Variants in TTC39A observed in about 807,000 individuals in gnomAD.
TTC39A encodes the protein tetratricopeptide repeat protein 39A.
A neutral mutation model predicts 82.3 loss-of-function variants in TTC39A; 46 were observed. The observed-to-expected ratio is 0.56, with a 90% CI of 0.44 to 0.71. The LOEUF is 0.71. Ranked by LOEUF, TTC39A falls within the 30% of genes least tolerant of loss-of-function variation. The pLI is 0.00. For synonymous variants in TTC39A, 254 were observed against 275.2 expected (o/e 0.92, Z 0.76); for missense variants, 543 against 712.9 (o/e 0.76, Z 2.71).
chr1:51,323,144 A>ATGGG (rs1645592406), intron 1 of TTC39A, among the ~76,000 whole-genome samples: 2 of 150,574 alleles, frequency 1.3e-5, no homozygotes, highest in East Asian at 2.0e-4. Flanking sequence ...CCACTCCTCT[A>ATGGG]CCCAATAAGC....
rs887599422 is a variant in TTC39A, at chr1:51,330,509, C to T, written c.-32G>A. On this transcript the variant is annotated 5_prime_UTR_variant, in exon 1 of 18. Transcript: ENST00000680483. This position sits in a 1 kb window ranked among gnomAD's most constrained non-coding sequence, Gnocchi z 4.5. ...GGGGCGCGGGCGGCGCTGCCCCAGC[C>T]GGACGCCAATCGCGGCCCAGGTGCT... 9.0e-5 allele frequency: 89 copies of T among 983,598 alleles called. 1 individual carries two copies. Among genetic ancestry groups the T allele is most frequent in the Non-Finnish European group, 1.0e-4 (87 of 830,154 alleles). 60.9% of individuals were successfully genotyped at this position (983,598 alleles called of 1,614,324 possible).
Position 51,288,381 on chromosome 1 carries a change from G to T in TTC39A, c.1611-101C>A. On this transcript the variant is annotated intron_variant, in intron 17 of 17. Transcript: ENST00000680483. The surrounding 1 kb of genome is among the most constrained non-coding windows in gnomAD (Gnocchi z 4.8). ...GAGCCCCGCGAGCCAAGGAAGGATT[G>T]TAGAGAAATTAATGTGTCCAGAGAG... The T allele has an allele frequency of 6.4e-7, 1 of 1,562,990 alleles. No homozygotes were observed. Among genetic ancestry groups the T allele is most frequent in the Non-Finnish European group, 8.7e-7 (1 of 1,151,456 alleles).
In TTC39A at chr1:51,330,536, C is replaced by A; in HGVS notation, c.-59G>T. The A allele has an allele frequency of 1.0e-6, 1 of 983,702 alleles. No homozygotes were observed. The allele number at this position is 983,702 out of a possible 1,614,324, so 60.9% of individuals were successfully genotyped here. On this transcript the variant is annotated 5_prime_UTR_variant, in exon 1 of 18. Transcript: ENST00000680483. The surrounding 1 kb of genome is among the most constrained non-coding windows in gnomAD (Gnocchi z 4.5). ...GACGCCAATCGCGGCCCAGGTGCTG[C>A]CGCCGCAACCCCGAGCCGGGCGCTG... is the stretch of plus-strand genomic sequence containing the variant.
intron 2 of TTC39A, among the ~76,000 whole-genome samples, chr1:51,319,216 A>G (rs1414302118): frequency 6.6e-6 from 1 of 152,202 alleles, no homozygotes; most frequent in Non-Finnish European, 1.5e-5. Flanking sequence ...AATAAAGAAT[A>G]CCAGGAAATT....
chr1:51,320,887 T>G lies in TTC39A; in HGVS notation c.146+834A>C, dbSNP rs183475122. On this transcript the variant is annotated intron_variant, in intron 2 of 17. Transcript: ENST00000680483. The stretch of plus-strand genomic sequence containing the variant: ...TGTTTTCTGGTTTTTTTTTTTTTTT[T>G]TTTGAGACAGAGTCTTGCTCTGTCA... Among the ~76,000 whole-genome samples the G allele has an allele frequency of 4.7e-3, 706 of 150,762 alleles. 4 individuals are homozygous for G. Among genetic ancestry groups the G allele is most frequent in the South Asian group, 0.014 (67 of 4,748 alleles).
intron 1 of TTC39A, among the ~76,000 whole-genome samples, chr1:51,327,003 C>A (rs1645735960): frequency 1.3e-5 from 2 of 152,212 alleles, no homozygotes; most frequent in African/African-American, 2.4e-5. Flanking sequence ...ACACTTGAGG[C>A]CCAAACGAGA....
intron 1 of TTC39A, among the ~76,000 whole-genome samples, chr1:51,341,674 G>A (rs1025479051): frequency 6.6e-6 from 1 of 152,040 alleles, no homozygotes; most frequent in African/African-American, 2.4e-5. Context: ...GCAACAGGGG[G>A]CAGAGTAAAG....
chr1:51,309,236 C>T (rs1644988526), intron 6 of TTC39A, 25 bp downstream of exon 6: 4 of 1,589,320 alleles, frequency 2.5e-6, no homozygotes, highest in Admixed American at 3.4e-5. Context: ...GGTCTCCCCA[C>T]AAGCGGATGG....
chr1:51,343,056 G>A (rs557243438), intron 1 of TTC39A: 68 of 456,270 alleles, frequency 1.5e-4, no homozygotes, highest in South Asian at 1.0e-3. Flanking sequence ...TGCACAACTG[G>A]ATTCTCCCAG....
chr1:51,341,721 A>C (rs1166165843), intron 1 of TTC39A, among the ~76,000 whole-genome samples: 1 of 152,170 alleles, frequency 6.6e-6, no homozygotes. Context: ...ACACACACAA[A>C]AAAAACCTTG....
At chr1:51,328,740 G>A (rs1443692130) in intron 1 of TTC39A, among the ~76,000 whole-genome samples, 2 of 152,182 alleles carry the variant, frequency 1.3e-5, no homozygotes, top group East Asian at 3.8e-4. Flanking sequence ...GCAAGGGTTT[G>A]TGAGTTCATT....
chr1:51,309,216 T>A (rs748865425), intron 6 of TTC39A, 45 bp downstream of exon 6: 1 of 1,563,966 alleles, frequency 6.4e-7, no homozygotes, highest in Non-Finnish European at 8.7e-7. Context: ...TAGCAGATGC[T>A]GTGGCCCAGG....
chr1:51,320,789 T>G (rs1645483444), intron 2 of TTC39A, among the ~76,000 whole-genome samples: 1 of 151,030 alleles, frequency 6.6e-6, no homozygotes, highest in South Asian at 2.1e-4. Context: ...TATTGTGATA[T>G]AATGACGAGA....
intron 12 of TTC39A, 24 bp downstream of exon 12, chr1:51,301,548 C>G (rs1293394566): frequency 1.3e-6 from 2 of 1,579,474 alleles, no homozygotes; most frequent in Middle Eastern, 1.7e-4. Context: ...CACCCAATGC[C>G]CCTAACACGT....
intron 5 of TTC39A, 25 bp from the exon 6 acceptor site, chr1:51,309,350 G>A: frequency 6.2e-7 from 1 of 1,612,630 alleles, no homozygotes; most frequent in African/African-American, 1.3e-5. Context: ...GATGCTGACG[G>A]CCTGGCCCAG....
At position 51,330,392 on chromosome 1, in the gene TTC39A, A is replaced by AGCCCGCGCC. The variant is rs964371003; in HGVS notation, c.41+36_41+44dup. On this transcript the variant is annotated intron_variant, in intron 1 of 17. Transcript: ENST00000680483. This position sits in a 1 kb window ranked among gnomAD's most constrained non-coding sequence, Gnocchi z 4.5. Reference sequence around the variant, plus strand: ...GGCGCCCGCCACCTGCCCGGGCCCCAGCCCGCGCCGCCCGCGCCCCCGGGC... The same window carrying AGCCCGCGCC: ...GGCGCCCGCCACCTGCCCGGGCCCCAGCCCGCGCCGCCCGCGCCGCCCGCGCCCCCGGGC... 1,785 of 971,270 alleles carry AGCCCGCGCC rather than the reference A, an allele frequency of 1.8e-3. 25 individuals are homozygous for AGCCCGCGCC. In the African/African-American group the frequency reaches 0.03, roughly 16 times the overall value. The allele number at this position is 971,270 out of a possible 1,614,324, so 60.2% of individuals were successfully genotyped here.
intron 12 of TTC39A, among the ~76,000 whole-genome samples, chr1:51,296,548 A>G (rs1644435323): frequency 2.6e-5 from 4 of 152,242 alleles, no homozygotes; most frequent in Admixed American, 2.6e-4. Flanking sequence ...CAGGCCTTCC[A>G]GCCAGGAGGA....
Position 51,321,789 on chromosome 1 carries a change from C to T in TTC39A, c.78G>A (p.Gln26=). The change falls in exon 2 of 18, where the codon CAG becomes CAA. Residue 26 remains glutamine (Q), a synonymous_variant. Transcript: ENST00000680483. The surrounding 1 kb of genome is among the most constrained non-coding windows in gnomAD (Gnocchi z 4.6). ...PESSLHEALD[Q]CMTALDLFLT... The stretch of plus-strand genomic sequence containing the variant: ...GGAAGAGGTCCAGGGCGGTCATGCA[C>T]TGGTCCAGGGCCTCATGGAGGCTGC... The T allele has an allele frequency of 6.8e-6, 11 of 1,613,892 alleles. No homozygotes were observed. The highest frequency in any genetic ancestry group is 9.3e-6 in the Non-Finnish European group (11 of 1,179,844).
chr1:51,345,015 G>GCC lies in TTC39A; in HGVS notation c.27_28dup (p.Ala10GlyfsTer24). On this transcript the variant is annotated frameshift_variant, in exon 1 of 6. Transcript: ENST00000401051. LOFTEE classifies it high-confidence loss of function. The stretch of plus-strand genomic sequence containing the variant: ...CCTGCGGTCGCTTTTCCCGGAGGCC[G>GCC]CCTCCTTCCAGGTGGTCAGAAAGGC... The GCC allele has an allele frequency of 6.6e-7, 1 of 1,521,280 alleles. No homozygotes were observed. Among genetic ancestry groups the GCC allele is most frequent in the South Asian group, 1.2e-5 (1 of 81,266 alleles). 94.2% of individuals were successfully genotyped at this position (1,521,280 alleles called of 1,614,324 possible).
Sources: gnomAD v4.1 joint callset for allele counts (sites outside exome capture counted in the v4.1 genomes callset) on GRCh38, gnomAD v4.1.1 for gene constraint, Gnocchi (gnomAD v3.1) non-coding constraint, MANE v1.5 for transcripts, NCBI Gene and HGNC (gene_info 2026-07-23, HGNC 2026-07-21) for gene names.